NPHP4: variants seen among roughly 807,000 people sequenced by gnomAD.
The protein encoded by NPHP4 is nephrocystin 4.
A neutral mutation model predicts 155.8 loss-of-function variants in NPHP4; 151 were observed. The observed-to-expected ratio is 0.97, with a 90% CI of 0.85 to 1.11. The LOEUF is 1.11. NPHP4 is among the 50% of genes least tolerant of loss of function. The pLI is 0.00. For synonymous variants in NPHP4, 845 were observed against 816.8 expected (o/e 1.03, Z -0.59); for missense variants, 1,956 against 1,925.7 (o/e 1.02, Z -0.29).
chr1:5,976,399 A>C (rs1332886746), intron 3 of NPHP4, among the ~76,000 whole-genome samples: 1 of 152,114 alleles, frequency 6.6e-6, no homozygotes, highest in East Asian at 1.9e-4. Context: ...GGCTGTCACA[A>C]CACCAGGTTT....
At chr1:5,983,924 A>G (rs1235510424) in intron 2 of NPHP4, among the ~76,000 whole-genome samples, 1 of 152,194 alleles carries the variant, frequency 6.6e-6, no homozygotes, top group African/African-American at 2.4e-5. Context: ...CTTTATGCTT[A>G]GAGTGCACTT....
rs200711763 is a variant in NPHP4, at chr1:5,961,904, G to A, written c.563C>T (p.Thr188Met). The A allele has an allele frequency of 5.3e-5, 85 of 1,612,812 alleles. No individual in the cohort carries two copies. The highest frequency in any genetic ancestry group is 3.9e-4 in the African/African-American group (29 of 75,034). The change falls in exon 6 of 30, where the codon ACG becomes ATG. Residue 188 changes from threonine to methionine, a missense_variant. By Grantham distance (81) the Thr-to-Met change is moderately conservative. Transcript: ENST00000378156. ...CTCCAGGGCCGGGTGTGGCTTCAGC[G>A]TGTACTGCAGGCTGCAGTTCTCAAT... ...TLIENCSLQYTLKPHPALEPA... is the reference protein window; with the variant it reads ...TLIENCSLQYMLKPHPALEPA...
intron 10 of NPHP4, among the ~76,000 whole-genome samples, chr1:5,928,478 T>C (rs1025082144): frequency 6.6e-6 from 1 of 152,238 alleles, no homozygotes; most frequent in African/African-American, 2.4e-5. Context: ...ATTTGGGTAG[T>C]TTCTGGTTTG....
At chr1:5,903,769 T>C (rs1439864327) in intron 16 of NPHP4, among the ~76,000 whole-genome samples, 2 of 152,214 alleles carry the variant, frequency 1.3e-5, no homozygotes, top group African/African-American at 2.4e-5. Context: ...TTTCTGGTTT[T>C]GGAAGCATCC....
In NPHP4 at chr1:5,978,278, A is replaced by G. The variant is rs201065230; in HGVS notation, c.271T>C (p.Phe91Leu). ...CCATCACCAGGGCCCACCTCATTAA[A>G]GACGATCCTGGACGGCGGTCTCTTC... ...PTKRPPSRIV[F>L]NEPLYFHTSL... The change falls in exon 3 of 30, where the codon TTT becomes CTT. Residue 91 changes from phenylalanine (F) to leucine (L), a missense_variant. Physicochemically the swap from Phe to Leu is conservative, Grantham distance 22 (BLOSUM62 0). Coordinates refer to ENST00000378156, the MANE Select transcript of NPHP4 (RefSeq NM_015102.5). The G allele has an allele frequency of 1.5e-3, 2,390 of 1,606,598 alleles. 4 individuals carry two copies. Among genetic ancestry groups the G allele is most frequent in the Non-Finnish European group, 1.9e-3 (2,275 of 1,176,926 alleles).
At chr1:5,875,282 GA>G (rs1642468940) in intron 20 of NPHP4, among the ~76,000 whole-genome samples, 182 bp from the exon 21 acceptor site, 2 of 152,194 alleles carry the variant, frequency 1.3e-5, no homozygotes, top group South Asian at 4.1e-4. Context: ...CCCAGGCATG[GA>G]TCTCAGGCAG....
At chr1:5,877,061 C>A in intron 20 of NPHP4, 32 bp downstream of exon 20, 1 of 1,430,376 alleles carries the variant, frequency 7.0e-7, no homozygotes, top group Middle Eastern at 2.6e-4. Context: ...GCATGGAGAT[C>A]CCAGGACAGT....
Position 5,984,403 on chromosome 1 carries a change from G to A in NPHP4, c.135+1752C>T, listed in dbSNP as rs535621257. Among the ~76,000 whole-genome samples, 8 of 151,986 alleles carry A rather than the reference G, an allele frequency of 5.3e-5. 1 individual carries two copies. The highest frequency in any genetic ancestry group is 6.3e-3 in the Middle Eastern group (2 of 316). ...CAAAAACTTAGCCGGGCATGGTGGC[G>A]CACATCTGTGGTCCCAGCTACTTGG... On this transcript the variant is annotated intron_variant, in intron 2 of 29. Coordinates refer to ENST00000378156, the MANE Select transcript of NPHP4 (RefSeq NM_015102.5).
At chr1:5,916,069 T>A (rs914747301) in intron 11 of NPHP4, among the ~76,000 whole-genome samples, 2 of 152,152 alleles carry the variant, frequency 1.3e-5, no homozygotes, top group African/African-American at 2.4e-5. Context: ...TTCAAATCTA[T>A]TAAGCAAACA....
chr1:5,891,747 C>A (rs1644138234), intron 16 of NPHP4, among the ~76,000 whole-genome samples: 1 of 152,246 alleles, frequency 6.6e-6, no homozygotes, highest in African/African-American at 2.4e-5. Context: ...CCCACAGCCC[C>A]CAACGAGCAG....
intron 13 of NPHP4, 109 bp downstream of exon 13, chr1:5,907,006 C>G: frequency 1.8e-6 from 1 of 549,124 alleles, no homozygotes; most frequent in Non-Finnish European, 3.1e-6. Context: ...GGTAACCCGC[C>G]AAGGTCTCTG....
chr1:5,921,311 C>T (rs1248940714), intron 11 of NPHP4, among the ~76,000 whole-genome samples: 1 of 152,250 alleles, frequency 6.6e-6, no homozygotes, highest in Non-Finnish European at 1.5e-5. Flanking sequence ...CTGAGCCCGC[C>T]CATGTCTCCT....
At chr1:5,866,094 C>T in intron 26 of NPHP4, 1 of 502,698 alleles carries the variant, frequency 2.0e-6, no homozygotes, top group Non-Finnish European at 3.6e-6. Context: ...CTGGGTGGCC[C>T]TTGCCACTAT....
chr1:5,877,478 C>A, intron 19 of NPHP4, 180 bp from the exon 20 acceptor site: 1 of 443,098 alleles, frequency 2.3e-6, no homozygotes, highest in Non-Finnish European at 4.0e-6. Context: ...TAACTTTATA[C>A]CCTGGTTTCC....
chr1:5,877,157 C>T lies in NPHP4; in HGVS notation c.2753G>A (p.Arg918Gln), dbSNP rs1221652464. 19 of 1,604,502 alleles carry T rather than the reference C, an allele frequency of 1.2e-5. No individual in the cohort carries two copies. Among genetic ancestry groups the T allele is most frequent in the African/African-American group, 6.7e-5 (5 of 74,810 alleles). ...SDATRRRKLE[R>Q]MRSVRLQEAG... ...CTCCTGCAGGCGCACAGACCTCATC[C>T]GCTCCAGCTTACGCCTGCGGGTGGC... Residue 918 changes from arginine to glutamine, a missense_variant, in exon 20 of 30, where the codon CGG becomes CAG. By Grantham distance (43) the Arg-to-Gln change is conservative. Coordinates refer to ENST00000378156, the MANE Select transcript of NPHP4 (RefSeq NM_015102.5).
intron 1 of NPHP4, among the ~76,000 whole-genome samples, chr1:5,991,773 CG>C (rs1418346463): frequency 7.2e-6 from 1 of 139,556 alleles, no homozygotes; most frequent in Admixed American, 7.0e-5. Flanking sequence ...GAGCTGGAGC[CG>C]GGGGGCGGGG....
chr1:5,934,711 G>C (rs561742037), intron 9 of NPHP4, among the ~76,000 whole-genome samples: 1 of 152,330 alleles, frequency 6.6e-6, no homozygotes, highest in East Asian at 1.9e-4. Context: ...CGCAGCCATG[G>C]TCACAGCGAG....
At chr1:5,927,203 T>C (rs558428394) in intron 11 of NPHP4, among the ~76,000 whole-genome samples, 3 of 152,334 alleles carry the variant, frequency 2.0e-5, no homozygotes, top group Non-Finnish European at 2.9e-5. Flanking sequence ...TTGTAGCCAA[T>C]TGTGACTCCT....
At chr1:5,950,667 G>A (rs1647806676) in intron 7 of NPHP4, among the ~76,000 whole-genome samples, 1 of 152,104 alleles carries the variant, frequency 6.6e-6, no homozygotes, top group Non-Finnish European at 1.5e-5. Flanking sequence ...GCCCAGACTG[G>A]CTGCCACAGG....
Sources: allele counts gnomAD v4.1 joint callset (sites outside exome capture counted in the v4.1 genomes callset), GRCh38; gene constraint gnomAD v4.1.1; transcripts MANE v1.5; gene names NCBI Gene and HGNC (gene_info 2026-07-23, HGNC 2026-07-21).